RALA: variants seen among roughly 807,000 people sequenced by gnomAD.
RALA encodes ras-related protein Ral-A.
RALA carries 5 observed loss-of-function variants against 24.0 expected under a neutral mutation model. That is an observed-to-expected ratio of 0.21 (90% CI 0.11 to 0.44). RALA has a LOEUF of 0.44. Among genes scored for constraint, RALA ranks in the 20% least tolerant of loss-of-function variants. RALA has a pLI of 0.99. For synonymous variants in RALA, 77 were observed against 83.8 expected, an observed-to-expected ratio of 0.92 and a Z score of 0.44; for missense variants, 95 against 241.2, an observed-to-expected ratio of 0.39 and a Z score of 4.01.
At chr7:39,704,526 C>T (rs1312317651) in intron 4 of RALA, among the ~76,000 whole-genome samples, 1 of 151,882 alleles carries the variant, frequency 6.6e-6, no homozygotes, top group Non-Finnish European at 1.5e-5. Context: ...CTATGTTGGC[C>T]AGGCTGGTCT....
chr7:39,652,754 A>G (rs1034734240), intron 1 of RALA, among the ~76,000 whole-genome samples: 6 of 152,116 alleles, frequency 3.9e-5, no homozygotes, highest in African/African-American at 1.4e-4. Context: ...ATCTTGATGT[A>G]GTTGAATTAA....
At chr7:39,663,257 A>AATT (rs994784866) in intron 1 of RALA, among the ~76,000 whole-genome samples, 2 of 152,214 alleles carry the variant, frequency 1.3e-5, no homozygotes, top group African/African-American at 4.8e-5. Flanking sequence ...TTCAGTATTA[A>AATT]ATTATAACTG....
chr7:39,648,267 TAGAACC>T (rs1417719712), intron 1 of RALA, among the ~76,000 whole-genome samples: 1 of 152,190 alleles, frequency 6.6e-6, no homozygotes, highest in Non-Finnish European at 1.5e-5. Flanking sequence ...TATTAGGTGG[TAGAACC>T]TAGGCCCATT....
chr7:39,668,223 G>C (rs2116015114), intron 1 of RALA, among the ~76,000 whole-genome samples: 1 of 152,318 alleles, frequency 6.6e-6, no homozygotes. Context: ...AGGGATACTA[G>C]CAATACTAGC....
chr7:39,658,463 T>C (rs998443854), intron 1 of RALA, among the ~76,000 whole-genome samples: 6 of 152,164 alleles, frequency 3.9e-5, no homozygotes, highest in African/African-American at 9.7e-5. Flanking sequence ...ATGAAACTGC[T>C]GTTTTTGTAT....
At chr7:39,688,467 A>T (rs1031707264) in intron 2 of RALA, among the ~76,000 whole-genome samples, 1 of 152,114 alleles carries the variant, frequency 6.6e-6, no homozygotes, top group Non-Finnish European at 1.5e-5. Flanking sequence ...TTATTCATTG[A>T]ATTCTTTGTT....
chr7:39,662,334 C>A (rs1005063502), intron 1 of RALA, among the ~76,000 whole-genome samples: 1 of 152,154 alleles, frequency 6.6e-6, no homozygotes, highest in Non-Finnish European at 1.5e-5. Context: ...TTTCTGCAGA[C>A]GGCTTGAATT....
chr7:39,655,029 A>C (rs1792073643), intron 1 of RALA, among the ~76,000 whole-genome samples: 1 of 152,206 alleles, frequency 6.6e-6, no homozygotes, highest in African/African-American at 2.4e-5. Context: ...GATTATAGTC[A>C]TGAGCCACCA....
Position 39,706,389 on chromosome 7 carries a change from T to C in RALA, c.*144T>C, listed in dbSNP as rs1311975373. On this transcript the variant is annotated 3_prime_UTR_variant, in exon 5 of 5. Transcript: ENST00000005257. The stretch of plus-strand genomic sequence containing the variant: ...CTAAAAGCATGAATTGGAACTGCAA[T>C]GAAAGTCAAATTTACTTTAAAAAGA... 2 of 861,706 alleles carry C rather than the reference T, an allele frequency of 2.3e-6. No homozygotes were observed. Among genetic ancestry groups the C allele is most frequent in the East Asian group, 5.6e-5 (2 of 35,632 alleles). The allele number at this position is 861,706 out of a possible 1,614,324, so 53.4% of individuals were successfully genotyped here.
intron 4 of RALA, among the ~76,000 whole-genome samples, 185 bp downstream of exon 4, chr7:39,697,044 A>G (rs1386464729): frequency 6.6e-6 from 1 of 152,214 alleles, no homozygotes; most frequent in African/African-American, 2.4e-5. Flanking sequence ...TAGCTTCCCA[A>G]GAGACATTAA....
intron 1 of RALA, among the ~76,000 whole-genome samples, chr7:39,634,313 C>T (rs1791648992): frequency 6.6e-6 from 1 of 152,134 alleles, no homozygotes; most frequent in Non-Finnish European, 1.5e-5. Context: ...CTCTCTGGGT[C>T]TTGCTGCCTC....
At chr7:39,660,609 A>G (rs1443009890) in intron 1 of RALA, among the ~76,000 whole-genome samples, 1 of 152,048 alleles carries the variant, frequency 6.6e-6, no homozygotes, top group Non-Finnish European at 1.5e-5. Flanking sequence ...TATGCTTACT[A>G]TTAATCTAAT....
At chr7:39,696,264 C>T (rs1040645648) in intron 3 of RALA, among the ~76,000 whole-genome samples, 3 of 152,176 alleles carry the variant, frequency 2.0e-5, no homozygotes, top group African/African-American at 7.2e-5. Flanking sequence ...CTAAATCTTC[C>T]TCCCAAGAAC....
intron 1 of RALA, among the ~76,000 whole-genome samples, chr7:39,669,214 C>G (rs992283679): frequency 6.6e-6 from 1 of 152,134 alleles, no homozygotes; most frequent in Non-Finnish European, 1.5e-5. Flanking sequence ...TTTCCCTCCC[C>G]CTCTTGCTCC....
At chr7:39,706,052 T>C in intron 4 of RALA, 71 bp from the exon 5 acceptor site, 1 of 1,360,098 alleles carries the variant, frequency 7.4e-7, no homozygotes, top group Non-Finnish European at 1.0e-6. Flanking sequence ...CAAAGTTTAC[T>C]GCTGTGATTT....
At chr7:39,665,992 C>T (rs1003720771) in intron 1 of RALA, among the ~76,000 whole-genome samples, 6 of 151,884 alleles carry the variant, frequency 4.0e-5, no homozygotes, top group South Asian at 2.1e-4. Context: ...TAATTAAGTA[C>T]GCAGTTGAAA....
chr7:39,640,142 G>A (rs1791758678), intron 1 of RALA, among the ~76,000 whole-genome samples: 1 of 152,116 alleles, frequency 6.6e-6, no homozygotes, highest in Non-Finnish European at 1.5e-5. Flanking sequence ...AGCCTCACAG[G>A]TCAAGCAATC....
At chr7:39,658,234 G>A (rs1792128768) in intron 1 of RALA, among the ~76,000 whole-genome samples, 1 of 152,100 alleles carries the variant, frequency 6.6e-6, no homozygotes, top group Admixed American at 6.6e-5. Context: ...TTGCACTGTG[G>A]CATCCATGAC....
At chr7:39,684,689 T>TA (rs1201964698) in intron 1 of RALA, among the ~76,000 whole-genome samples, 2 of 99,876 alleles carry the variant, frequency 2.0e-5, no homozygotes, top group African/African-American at 7.9e-5. Context: ...AGACATAAAA[T>TA]ACACTAACGA....
Sources: gnomAD v4.1 joint callset for allele counts (sites outside exome capture counted in the v4.1 genomes callset) on GRCh38, gnomAD v4.1.1 for gene constraint, MANE v1.5 for transcripts, NCBI Gene and HGNC (gene_info 2026-07-23, HGNC 2026-07-21) for gene names.